KCNQ1: variants seen among roughly 807,000 people sequenced by gnomAD.
KCNQ1 encodes potassium voltage-gated channel subfamily KQT member 1.
KCNQ1 carries 49 observed loss-of-function variants against 72.4 expected under a neutral mutation model. The observed-to-expected ratio is 0.68, with a 90% CI of 0.54 to 0.86. The LOEUF is 0.86. KCNQ1 is among the 40% of genes least tolerant of loss of function. KCNQ1 has a pLI of 0.00. For missense variants in KCNQ1, 790 were observed against 945.1 expected (o/e 0.84, Z 2.15); for synonymous variants, 450 against 412.6 (o/e 1.09, Z -1.10).
At chr11:2,535,254 A>G (rs981854027) in intron 2 of KCNQ1, among the ~76,000 whole-genome samples, 4 of 152,180 alleles carry the variant, frequency 2.6e-5, no homozygotes, top group African/African-American at 9.7e-5. Context: ...AAAGTGGACC[A>G]GGGGCAGGTG....
In KCNQ1 at chr11:2,803,307, CT is replaced by C. The variant is rs1349672443; in HGVS notation, c.1794+25271del. On this transcript the variant is annotated intron_variant, in intron 15 of 15. Coordinates refer to ENST00000155840, the MANE Select transcript of KCNQ1 (RefSeq NM_000218.3). The surrounding 1 kb of genome is among the most constrained non-coding windows in gnomAD (Gnocchi z 6.4). ...GGGCCCCGGAGTCAGCAAGGGCTTCCTGGGGGCCCAGGTCAGCCTGGACGGT... is the reference window on the plus strand; with the variant it reads ...GGGCCCCGGAGTCAGCAAGGGCTTCCGGGGGCCCAGGTCAGCCTGGACGGT... Among the ~76,000 whole-genome samples the C allele has an allele frequency of 6.6e-6, 1 of 152,200 alleles. No homozygotes were observed. Among genetic ancestry groups the C allele is most frequent in the Non-Finnish European group, 1.5e-5 (1 of 67,994 alleles).
intron 2 of KCNQ1, among the ~76,000 whole-genome samples, chr11:2,533,616 GGTGTGTGTGTGCACACGTGTGTCTGAC>G (rs1281261244): frequency 2.0e-5 from 3 of 152,234 alleles, no homozygotes; most frequent in African/African-American, 7.2e-5. Context: ...ACATATGCCT[GGTGTGTGTGTGCACACGTGTGTCTGAC>G]GTGTGTGTGC....
In KCNQ1 at chr11:2,772,884, C is replaced by T. The variant is rs4930007; in HGVS notation, c.1591-3076C>T. On this transcript the variant is annotated intron_variant, in intron 12 of 15. Transcript: ENST00000155840. The surrounding 1 kb of genome is among the most constrained non-coding windows in gnomAD (Gnocchi z 6.6). ...ACCTGCCCACACCGCACCCAGATGG[C>T]TGGAGGTGCCCCATGCTTCAGCTTC... Among the ~76,000 whole-genome samples the T allele has an allele frequency of 0.5, 76,307 of 151,972 alleles. 19,604 individuals are homozygous for T. Among genetic ancestry groups the T allele is most frequent in the East Asian group, 0.77 (3,994 of 5,156 alleles).
chr11:2,475,759 G>A lies in KCNQ1; in HGVS notation c.386+30275G>A, dbSNP rs967258277. ...GACGAGTCTTTCCTGTGCTGTTCTC[G>A]TAATAGTGAATACGTCTCATAAGAT... On this transcript the variant is annotated intron_variant, in intron 1 of 15. Coordinates refer to ENST00000155840, the MANE Select transcript of KCNQ1 (RefSeq NM_000218.3). The surrounding 1 kb of genome is among the most constrained non-coding windows in gnomAD (Gnocchi z 5.8). 3.3e-5 allele frequency among the ~76,000 whole-genome samples: 5 copies of A among 152,146 alleles called. No individual in the cohort carries two copies. The highest frequency in any genetic ancestry group is 7.2e-5 in the African/African-American group (3 of 41,426).
chr11:2,662,672 G>A (rs191107741), intron 11 of KCNQ1: 32 of 405,312 alleles, frequency 7.9e-5, no homozygotes, highest in African/African-American at 4.1e-4. Flanking sequence ...GTGACTCCCC[G>A]CTGGGGTGCC....
intron 1 of KCNQ1, chr11:2,461,655 C>T: frequency 7.3e-7 from 1 of 1,366,742 alleles, no homozygotes; most frequent in East Asian, 4.5e-5. Flanking sequence ...AGGCCTGTGG[C>T]TGCTGTGGAC....
rs947901393 is a variant in KCNQ1, at chr11:2,734,039, C to A, written c.1515-34805C>A. 2.6e-5 allele frequency among the ~76,000 whole-genome samples: 4 copies of A among 152,072 alleles called. No homozygotes were observed. The highest frequency in any genetic ancestry group is 9.7e-5 in the African/African-American group (4 of 41,412). Reference sequence around the variant, plus strand: ...CGCGCTCTAAATCAGGACCACCTTGCGGTTCTCCCAGCCCCAGCCTTGCCT... The same window carrying A: ...CGCGCTCTAAATCAGGACCACCTTGAGGTTCTCCCAGCCCCAGCCTTGCCT... On this transcript the variant is annotated intron_variant, in intron 11 of 15. Coordinates refer to ENST00000155840, the MANE Select transcript of KCNQ1 (RefSeq NM_000218.3). The surrounding 1 kb of genome is among the most constrained non-coding windows in gnomAD (Gnocchi z 7.0).
Position 2,445,157 on chromosome 11 carries a change from T to C in KCNQ1, c.59T>C (p.Leu20Pro). The C allele has an allele frequency of 1.8e-6, 2 of 1,135,586 alleles. No individual in the cohort carries two copies. Among genetic ancestry groups the C allele is most frequent in the Non-Finnish European group, 1.1e-6 (1 of 923,068 alleles). 70.3% of individuals were successfully genotyped at this position (1,135,586 alleles called of 1,614,324 possible). ...AGGAAGCGCTGGGGTTGGGGCCGCC[T>C]GCCAGGCGCCCGGCGGGGCAGCGCG... ...AERKRWGWGR[L>P]PGARRGSAGL... The change falls in exon 1 of 16, where the codon CTG becomes CCG. Residue 20 changes from leucine to proline, a missense_variant. By Grantham distance (98) the Leu-to-Pro change is moderately conservative. Coordinates refer to ENST00000155840, the MANE Select transcript of KCNQ1 (RefSeq NM_000218.3).
intron 15 of KCNQ1, among the ~76,000 whole-genome samples, chr11:2,811,068 C>A (rs961299362): frequency 6.6e-6 from 1 of 152,220 alleles, no homozygotes; most frequent in Admixed American, 6.5e-5. Flanking sequence ...ACCCTTACAG[C>A]CCCGGCGAGA....
chr11:2,539,411 C>T (rs993542171), intron 2 of KCNQ1, among the ~76,000 whole-genome samples: 2 of 152,230 alleles, frequency 1.3e-5, no homozygotes, highest in South Asian at 2.1e-4. Flanking sequence ...GCTAGAGGAA[C>T]GGGCTTACGC....
At chr11:2,614,702 C>A (rs1037584128) in intron 10 of KCNQ1, 7 of 398,278 alleles carry the variant, frequency 1.8e-5, no homozygotes, top group African/African-American at 1.4e-4. Context: ...GTGTTTATTT[C>A]TACATTCTCT....
intron 10 of KCNQ1, chr11:2,655,516 A>G (rs751572287): frequency 5.0e-6 from 2 of 398,594 alleles, no homozygotes; most frequent in Non-Finnish European, 8.8e-6. Context: ...CCTTTCAAGT[A>G]CACCATGGGC....
intron 12 of KCNQ1, among the ~76,000 whole-genome samples, chr11:2,771,074 G>T (rs544827466): frequency 2.3e-4 from 35 of 152,364 alleles, no homozygotes; most frequent in Admixed American, 2.0e-3. Flanking sequence ...CTGGTGTCTG[G>T]CCTGAGGGTG....
intron 10 of KCNQ1, among the ~76,000 whole-genome samples, chr11:2,594,017 C>T (rs966099009): frequency 6.6e-6 from 1 of 152,168 alleles, no homozygotes; most frequent in African/African-American, 2.4e-5. Context: ...TTTAAACAAT[C>T]CTCTTTTTGT....
At chr11:2,810,027 G>C (rs934595975) in intron 15 of KCNQ1, among the ~76,000 whole-genome samples, 4 of 152,186 alleles carry the variant, frequency 2.6e-5, no homozygotes, top group Non-Finnish European at 5.9e-5. Context: ...TTCAACCATG[G>C]TGCCCTATTG....
rs1850568717 is a variant in KCNQ1 at position 2,690,383 on chromosome 11, C to G, written c.1514+28302C>G. On this transcript the variant is annotated intron_variant, in intron 11 of 15. Transcript: ENST00000155840. The surrounding 1 kb of genome is among the most constrained non-coding windows in gnomAD (Gnocchi z 5.1). The stretch of plus-strand genomic sequence containing the variant: ...CCACTACTTGGCATGGAACATGTGC[C>G]AGACCAAAAGAGCTATCTCTCTCCC... 5.0e-6 allele frequency: 2 copies of G among 398,696 alleles called. No individual in the cohort carries two copies. Among genetic ancestry groups the G allele is most frequent in the East Asian group, 7.1e-5 (2 of 28,082 alleles). The allele number at this position is 398,696 out of a possible 1,614,324, so 24.7% of individuals were successfully genotyped here. A position where few individuals can be genotyped will look rare whatever the true frequency, so the allele number is the denominator to read the frequency against.
rs1849679277 is a variant in KCNQ1 at position 2,647,201 on chromosome 11, C to T, written c.1394-14760C>T. 1 of 398,162 alleles carries T rather than the reference C, an allele frequency of 2.5e-6. No homozygotes were observed. 24.7% of individuals were successfully genotyped at this position (398,162 alleles called of 1,614,324 possible). On this transcript the variant is annotated intron_variant, in intron 10 of 15. Transcript: ENST00000155840. The surrounding 1 kb of genome is among the most constrained non-coding windows in gnomAD (Gnocchi z 4.0). ...ATCATGAAGAGATTTTGAATTTTAT[C>T]AGATGCTTTTTCTGCATCTATTGAG...
Position 2,567,090 on chromosome 11 carries a change from G to A in KCNQ1, c.478-3538G>A, listed in dbSNP as rs557154754. Among the ~76,000 whole-genome samples, 13 of 152,192 alleles carry A rather than the reference G, an allele frequency of 8.5e-5. No homozygotes were observed. The highest frequency in any genetic ancestry group is 2.4e-4 in the African/African-American group (10 of 41,534). On this transcript the variant is annotated intron_variant, in intron 2 of 15. Transcript: ENST00000155840. This position sits in a 1 kb window ranked among gnomAD's most constrained non-coding sequence, Gnocchi z 6.6. ...CGGGAGGCTCTGGGGGAGACTGGGC[G>A]GTGAGCCCCTGGGAAGGAGGCCTCA...
Position 2,540,499 on chromosome 11 carries a change from A to G in KCNQ1, c.477+12481A>G, listed in dbSNP as rs117223631. Reference sequence around the variant, plus strand: ...CCCGGGTATAAAACTGGCCAACGGGATGCCTGGTGGGATGACTGGGGTACC... The same window carrying G: ...CCCGGGTATAAAACTGGCCAACGGGGTGCCTGGTGGGATGACTGGGGTACC... On this transcript the variant is annotated intron_variant, in intron 2 of 15. Transcript: ENST00000155840. Among the ~76,000 whole-genome samples the G allele has an allele frequency of 5.1e-4, 77 of 152,292 alleles. 3 individuals carry two copies. In the East Asian group the frequency reaches 0.014, roughly 28 times the overall value.
Sources: gnomAD v4.1 joint callset for allele counts (sites outside exome capture counted in the v4.1 genomes callset) on GRCh38, gnomAD v4.1.1 for gene constraint, Gnocchi (gnomAD v3.1) non-coding constraint, MANE v1.5 for transcripts, NCBI Gene and HGNC (gene_info 2026-07-23, HGNC 2026-07-21) for gene names.